The following SSUH2 variants were observed in gnomAD, a reference collection of about 807,000 sequenced individuals.
The protein encoded by SSUH2 is ssu-2 homolog, also known as protein SSUH2 homolog.
Under a neutral mutation model 55.3 loss-of-function variants are expected in SSUH2, and 47 were observed. The ratio of observed to expected loss-of-function variants is 0.85; its 90% CI spans 0.67 to 1.08. The LOEUF is 1.08. SSUH2 is among the 50% of genes least tolerant of loss of function. The probability of loss-of-function intolerance (pLI) is 0.00; values close to 1 mark genes in which losing one functional copy is unlikely to be tolerated. For synonymous variants in SSUH2, 212 were observed against 191.5 expected, an observed-to-expected ratio of 1.11 and a Z score of -0.89; for missense variants, 535 against 490.7, an observed-to-expected ratio of 1.09 and a Z score of -0.85.
chr3:8,649,566 G>A (rs945688221), upstream of SSUH2, among the ~76,000 whole-genome samples: 2 of 151,944 alleles, frequency 1.3e-5, no homozygotes, highest in Admixed American at 6.6e-5. Flanking sequence ...CAGACACCTC[G>A]AGCTCTCTCT....
chr3:8,681,517 T>A (rs1439176180), intron 1 of SSUH2, among the ~76,000 whole-genome samples: 1 of 115,910 alleles, frequency 8.6e-6, no homozygotes, highest in Non-Finnish European at 1.8e-5. Flanking sequence ...TGAGAGCCAG[T>A]CCGTCTTCCC....
At chr3:8,672,371 A>C (rs1247966001) in intron 3 of SSUH2, among the ~76,000 whole-genome samples, 1 of 151,864 alleles carries the variant, frequency 6.6e-6, no homozygotes, top group Non-Finnish European at 1.5e-5. Context: ...GTGGGTGTAC[A>C]CCTCCTGCGA....
chr3:8,644,479 C>T (rs1458194833), intron 1 of SSUH2, among the ~76,000 whole-genome samples: 2 of 152,100 alleles, frequency 1.3e-5, no homozygotes, highest in African/African-American at 4.8e-5. Flanking sequence ...AAGAAGAGAT[C>T]GCAAGCTACA....
intron 6 of SSUH2, among the ~76,000 whole-genome samples, chr3:8,659,300 A>C (rs909813229): frequency 6.6e-6 from 1 of 152,090 alleles, no homozygotes; most frequent in Non-Finnish European, 1.5e-5. Context: ...TTTTCTCGAC[A>C]AAATCTCCAA....
rs2125154000 is a variant in SSUH2, at chr3:8,630,903, C to A, written c.427G>T (p.Gly143Cys). 6.9e-7 allele frequency: 1 copy of A among 1,457,404 alleles called. No individual in the cohort carries two copies. The highest frequency in any genetic ancestry group is 2.7e-5 in the East Asian group (1 of 37,638). 90.3% of individuals were successfully genotyped at this position (1,457,404 alleles called of 1,614,324 possible). The change falls in exon 6 of 12, where the codon GGC (glycine) becomes TGC (cysteine). Residue 143 changes from glycine to cysteine, a missense_variant. Transcript: ENST00000544814. ...ATGTCCCAGAGCCTGGGGGAGGCGC[C>A]TCTTTGCGGCCCATCCACAGAGTGG... Reference protein sequence around the residue: ...TNHSVDGPQRGASPRLWDIKV... With the variant: ...TNHSVDGPQRCASPRLWDIKV...
intron 2 of SSUH2, among the ~76,000 whole-genome samples, chr3:8,678,541 T>C (rs55691327): frequency 0.13 from 6,358 of 47,754 alleles, 276 homozygotes; most frequent in Middle Eastern, 0.18. Context: ...CCCTCTTCCC[T>C]CCATGGCTCT....
intron 1 of SSUH2, among the ~76,000 whole-genome samples, chr3:8,680,826 T>C (rs1049044829): frequency 1.3e-5 from 2 of 152,010 alleles, no homozygotes; most frequent in African/African-American, 4.8e-5. Flanking sequence ...AGGGTGGGTG[T>C]ACACCTCGTT....
At chr3:8,631,719 G>T (rs903008260) in intron 5 of SSUH2, among the ~76,000 whole-genome samples, 1 of 152,056 alleles carries the variant, frequency 6.6e-6, no homozygotes, top group Admixed American at 6.5e-5. Flanking sequence ...GAGGAATTAG[G>T]GGTGGCATGA....
At chr3:8,641,476 T>G (rs146007293) in intron 1 of SSUH2, among the ~76,000 whole-genome samples, 3 of 152,318 alleles carry the variant, frequency 2.0e-5, no homozygotes, top group Middle Eastern at 3.4e-3. Context: ...GAGAGGGGAC[T>G]CTGGAAACTG....
At chr3:8,679,229 A>G (rs1204973398) in intron 2 of SSUH2, among the ~76,000 whole-genome samples, 1 of 82,670 alleles carries the variant, frequency 1.2e-5, no homozygotes, top group African/African-American at 4.3e-5. Flanking sequence ...ACCCTCCGTG[A>G]GCGGGGACTG....
chr3:8,660,959 G>C (rs1468737128), intron 6 of SSUH2, among the ~76,000 whole-genome samples: 2 of 152,200 alleles, frequency 1.3e-5, no homozygotes, highest in African/African-American at 4.8e-5. Context: ...GACAGAGCAA[G>C]GGGACAAGGC....
At chr3:8,657,519 G>C (rs775460175) in intron 7 of SSUH2, among the ~76,000 whole-genome samples, 1 of 152,138 alleles carries the variant, frequency 6.6e-6, no homozygotes, top group Non-Finnish European at 1.5e-5. Context: ...ATAGACAGTG[G>C]GTACGACAGG....
chr3:8,663,202 T>G (rs754325686), intron 6 of SSUH2, among the ~76,000 whole-genome samples: 2 of 152,202 alleles, frequency 1.3e-5, no homozygotes, highest in Non-Finnish European at 2.9e-5. Context: ...AAAGCTAAAG[T>G]TCGTGGCACT....
intron 4 of SSUH2, 63 bp from the exon 5 acceptor site, chr3:8,632,172 A>G: frequency 9.1e-6 from 13 of 1,424,904 alleles, no homozygotes; most frequent in Non-Finnish European, 7.9e-6. Context: ...CATTATGCAA[A>G]AAGATGAAGC....
Position 8,625,563 on chromosome 3 carries a change from G to A in SSUH2, c.852C>T (p.Leu284=), listed in dbSNP as rs977257859. The stretch of plus-strand genomic sequence containing the variant: ...TTACCACCGAGTTTTCATCCTTAAA[G>A]AGGTTTTCTCCTTTGGCTTTAGCAA... The part of the protein sequence containing the change: ...ELLAKAKGEN[L]FKDENSVVYP... The change falls in exon 10 of 12, where the codon CTC becomes CTT. Residue 284 remains leucine (L), a synonymous_variant. Transcript: ENST00000544814. The A allele has an allele frequency of 6.8e-6, 11 of 1,613,288 alleles. No individual in the cohort carries two copies. Among genetic ancestry groups the A allele is most frequent in the African/African-American group, 1.3e-5 (1 of 74,914 alleles).
Position 8,633,719 on chromosome 3 carries a change from T to C in SSUH2, c.286A>G (p.Thr96Ala), listed in dbSNP as rs2125184965. 6.4e-7 allele frequency: 1 copy of C among 1,566,908 alleles called. No individual in the cohort carries two copies. The highest frequency in any genetic ancestry group is 8.7e-7 in the Non-Finnish European group (1 of 1,155,752). Residue 96 changes from threonine to alanine, a missense_variant, in exon 4 of 12, where the codon ACG (threonine) becomes GCG (alanine). By Grantham distance (58) the Thr-to-Ala change is moderately conservative. Transcript: ENST00000544814. ...TGGATGACGAGGTCTCCAGCCACCGTGCTGCTGTAGCAGCACTTAGAGTCC... is the reference window on the plus strand; with the variant it reads ...TGGATGACGAGGTCTCCAGCCACCGCGCTGCTGTAGCAGCACTTAGAGTCC... ...FVDSKCCYSS[T>A]VAGDLVIQEL...
intron 7 of SSUH2, 136 bp from the exon 8 acceptor site, chr3:8,627,919 G>T: frequency 1.7e-6 from 1 of 595,018 alleles, no homozygotes; most frequent in Non-Finnish European, 2.8e-6. Flanking sequence ...GTAAAATGGT[G>T]CGGGGTGGAG....
chr3:8,650,545 T>A (rs1039058239), intron 7 of SSUH2, among the ~76,000 whole-genome samples: 12 of 152,202 alleles, frequency 7.9e-5, no homozygotes, highest in Non-Finnish European at 1.5e-4. Flanking sequence ...GGGAAACTGA[T>A]AGAAGAAAAA....
At chr3:8,628,746 G>A (rs1575087726) in intron 7 of SSUH2, among the ~76,000 whole-genome samples, 2 of 152,332 alleles carry the variant, frequency 1.3e-5, no homozygotes, top group South Asian at 4.1e-4. Context: ...AGAGGAAGGG[G>A]ATGGCTTCCC....
Sources: allele counts gnomAD v4.1 joint callset (sites outside exome capture counted in the v4.1 genomes callset), GRCh38; gene constraint gnomAD v4.1.1; transcripts MANE v1.5; gene names NCBI Gene and HGNC (gene_info 2026-07-23, HGNC 2026-07-21).